CSMD3: variants seen among roughly 807,000 people sequenced by gnomAD.
The protein encoded by CSMD3 is CUB and Sushi multiple domains 3, also known as CUB and sushi domain-containing protein 3.
Under a neutral mutation model 435.2 loss-of-function variants are expected in CSMD3, and 177 were observed. That is an observed-to-expected ratio of 0.41 (90% CI 0.36 to 0.46). The LOEUF (loss-of-function observed/expected upper bound fraction) is 0.46. Ranked by LOEUF, CSMD3 falls within the 20% of genes least tolerant of loss-of-function variation. The pLI, the probability that CSMD3 is intolerant of heterozygous loss-of-function variation, is 0.34. For missense variants in CSMD3, 4,265 were observed against 4,504.6 expected (o/e 0.95, Z 1.52); for synonymous variants, 1,656 against 1,520.5 (o/e 1.09, Z -2.07).
At chr8:113,121,712 C>T (rs2090991156) in intron 4 of CSMD3, among the ~76,000 whole-genome samples, 1 of 151,918 alleles carries the variant, frequency 6.6e-6, no homozygotes, top group Admixed American at 6.6e-5. Flanking sequence ...TATTCTATCA[C>T]ACAGTTAGAC....
At chr8:112,809,542 ATTATTTC>A (rs1275771692) in intron 12 of CSMD3, among the ~76,000 whole-genome samples, 3 of 152,156 alleles carry the variant, frequency 2.0e-5, no homozygotes, top group Non-Finnish European at 4.4e-5. Context: ...TCACAGTAAC[ATTATTTC>A]AATTACTTTA....
Position 112,829,801 on chromosome 8 carries a change from C to T in CSMD3, c.1756-12G>A, listed in dbSNP as rs200163772. Reference sequence around the variant, plus strand: ...TTTATCTGGATAACCTAGCAGTAAACAGAAACATGCACCTTAAATATACTG... The same window carrying T: ...TTTATCTGGATAACCTAGCAGTAAATAGAAACATGCACCTTAAATATACTG... On this transcript the variant is annotated splice_polypyrimidine_tract_variant and intron_variant, in intron 11 of 70. Transcript: ENST00000297405. The T allele has an allele frequency of 1.3e-5, 19 of 1,408,546 alleles. 1 individual carries two copies. The highest frequency in any genetic ancestry group is 1.2e-5 in the South Asian group (1 of 86,870). 87.3% of individuals were successfully genotyped at this position (1,408,546 alleles called of 1,614,324 possible). A position where few individuals can be genotyped will look rare whatever the true frequency, so the allele number is the denominator to read the frequency against.
chr8:112,342,987 T>TATATATATTTATATATATA (rs1825288092), intron 41 of CSMD3, among the ~76,000 whole-genome samples: 1 of 47,288 alleles, frequency 2.1e-5, no homozygotes, highest in African/African-American at 6.1e-5. Context: ...ATATATATAT[T>TATATATATTTATATATATA]TATATATATA....
At chr8:112,291,731 A>G (rs1186933053) in intron 55 of CSMD3, 36 bp from the exon 56 acceptor site, 1 of 1,307,784 alleles carries the variant, frequency 7.6e-7, no homozygotes, top group Non-Finnish European at 1.1e-6. Flanking sequence ...ATATGTTTGG[A>G]ATAATATACA....
At chr8:113,435,739 A>G (rs948766856) in intron 1 of CSMD3, among the ~76,000 whole-genome samples, 1 of 152,152 alleles carries the variant, frequency 6.6e-6, no homozygotes, top group African/African-American at 2.4e-5. Flanking sequence ...TGATGGCATG[A>G]GTCATAAACA....
intron 1 of CSMD3, among the ~76,000 whole-genome samples, chr8:113,392,308 G>A (rs1207072247): frequency 6.6e-6 from 1 of 152,072 alleles, no homozygotes; most frequent in Non-Finnish European, 1.5e-5. Context: ...TTGCTTAGGA[G>A]TTGACAGGAG....
chr8:112,286,973 TA>T (rs772883918), intron 58 of CSMD3, 90 bp downstream of exon 58: 4 of 998,224 alleles, frequency 4.0e-6, no homozygotes, highest in Non-Finnish European at 6.4e-6. Context: ...AATAAACTAG[TA>T]AGAGTAATTT....
chr8:112,665,014 C>T (rs775520024), intron 17 of CSMD3, among the ~76,000 whole-genome samples: 7 of 152,050 alleles, frequency 4.6e-5, no homozygotes, highest in Non-Finnish European at 7.4e-5. Context: ...CTTAAAACCT[C>T]CTGTATACTT....
intron 13 of CSMD3, among the ~76,000 whole-genome samples, chr8:112,724,233 G>T (rs1052208582): frequency 6.6e-6 from 1 of 151,896 alleles, no homozygotes; most frequent in African/African-American, 2.4e-5. Flanking sequence ...ACATATAAGA[G>T]GAAAGGCCCT....
intron 61 of CSMD3, among the ~76,000 whole-genome samples, chr8:112,258,746 A>T (rs190702021): frequency 6.6e-6 from 1 of 152,314 alleles, no homozygotes; most frequent in Admixed American, 6.5e-5. Context: ...AGAACTAGAA[A>T]TACCATTTGA....
chr8:112,832,164 T>C (rs2079894617), intron 11 of CSMD3, among the ~76,000 whole-genome samples: 1 of 152,158 alleles, frequency 6.6e-6, no homozygotes, highest in African/African-American at 2.4e-5. Flanking sequence ...CTTTTATCTT[T>C]TGTGAATTGA....
chr8:112,735,089 T>C (rs1010316216), intron 13 of CSMD3, among the ~76,000 whole-genome samples: 12 of 152,020 alleles, frequency 7.9e-5, no homozygotes, highest in Admixed American at 7.2e-4. Flanking sequence ...AAAAGATTGT[T>C]TGGATATTGG....
At chr8:112,404,943 C>T (rs1045114401) in intron 35 of CSMD3, among the ~76,000 whole-genome samples, 2 of 150,652 alleles carry the variant, frequency 1.3e-5, no homozygotes, top group South Asian at 2.1e-4. Flanking sequence ...TCTGGGAGGC[C>T]GAGGGGGGTG....
Position 112,404,985 on chromosome 8 carries a change from C to G in CSMD3, c.5809+1539G>C, listed in dbSNP as rs995777973. On this transcript the variant is annotated intron_variant, in intron 35 of 70. Coordinates refer to ENST00000297405, the MANE Select transcript of CSMD3 (RefSeq NM_198123.2). ...TTGAGGCTAGGAGTTTGATACCAGC[C>G]TAGACAACATGGTGAGACCTGGTCC... Among the ~76,000 whole-genome samples the G allele has an allele frequency of 2.0e-5, 3 of 150,620 alleles. No homozygotes were observed. In the Admixed American group the frequency reaches 2.0e-4, roughly 10 times the overall value.
intron 13 of CSMD3, among the ~76,000 whole-genome samples, chr8:112,746,463 G>A (rs2077427498): frequency 6.6e-6 from 1 of 152,006 alleles, no homozygotes; most frequent in South Asian, 2.1e-4. Context: ...CATCCCTGGA[G>A]GACCATCTTC....
intron 6 of CSMD3, among the ~76,000 whole-genome samples, chr8:112,978,520 C>G (rs2084934833): frequency 6.6e-6 from 1 of 151,882 alleles, no homozygotes; most frequent in Non-Finnish European, 1.5e-5. Context: ...TGTCTAGACC[C>G]AGGACTTTCT....
intron 6 of CSMD3, among the ~76,000 whole-genome samples, chr8:112,981,051 A>G (rs993369692): frequency 6.6e-6 from 1 of 151,534 alleles, no homozygotes; most frequent in Non-Finnish European, 1.5e-5. Context: ...GAACTAGTTT[A>G]TAATTTTCAA....
intron 9 of CSMD3, among the ~76,000 whole-genome samples, chr8:112,935,801 C>T (rs150679147): frequency 2.5e-4 from 38 of 151,540 alleles, no homozygotes; most frequent in African/African-American, 6.3e-4. Flanking sequence ...AGAAAAGTGA[C>T]GTGATTTGAT....
intron 56 of CSMD3, among the ~76,000 whole-genome samples, chr8:112,289,786 T>G (rs1294981271): frequency 6.6e-6 from 1 of 152,070 alleles, no homozygotes; most frequent in African/African-American, 2.4e-5. Flanking sequence ...TAAGTAAGCA[T>G]TAAAAATAAT....
Sources: allele counts gnomAD v4.1 joint callset (sites outside exome capture counted in the v4.1 genomes callset), GRCh38; gene constraint gnomAD v4.1.1; transcripts MANE v1.5; gene names NCBI Gene and HGNC (gene_info 2026-07-23, HGNC 2026-07-21).